Variants in SH3BGRL2 observed in about 807,000 individuals in gnomAD.
SH3BGRL2 encodes the protein SH3 domain binding glutamate rich protein like 2, also known as SH3 domain-binding glutamic acid-rich-like protein 2.
Under a neutral mutation model 14.8 loss-of-function variants are expected in SH3BGRL2, and 21 were observed. The observed-to-expected ratio is 1.42, with a 90% confidence interval of 1.01 to 2.05. The LOEUF is 2.05. Among genes scored for constraint, SH3BGRL2 ranks in the 30% most tolerant of loss-of-function variants. The probability of loss-of-function intolerance (pLI) is 0.00; values close to 1 mark genes in which losing one functional copy is unlikely to be tolerated. For missense variants in SH3BGRL2, 147 were observed against 130.8 expected (o/e 1.12, Z -0.61); for synonymous variants, 50 against 47.8 (o/e 1.05, Z -0.19).
At chr6:79,577,830 C>T in the SH3BGRL2 span, among the ~76,000 whole-genome samples, 1 of 152,190 alleles carries the variant, frequency 6.6e-6, no homozygotes, top group African/African-American at 2.4e-5. Flanking sequence ...TCACCTCACC[C>T]GGGAAGCACA....
intron 2 of SH3BGRL2, among the ~76,000 whole-genome samples, chr6:79,674,035 A>G (rs527800189): frequency 1.3e-5 from 2 of 152,234 alleles, no homozygotes; most frequent in South Asian, 2.1e-4. Context: ...GTGTCTGTCA[A>G]TCTGAGCTCT....
At chr6:79,684,827 A>G (rs1770060556) in intron 2 of SH3BGRL2, among the ~76,000 whole-genome samples, 1 of 152,186 alleles carries the variant, frequency 6.6e-6, no homozygotes, top group African/African-American at 2.4e-5. Context: ...TCTGTATTCC[A>G]AGGCCTTCTG....
At chr6:79,600,590 G>A in the SH3BGRL2 span, among the ~76,000 whole-genome samples, 1 of 152,056 alleles carries the variant, frequency 6.6e-6, no homozygotes, top group Non-Finnish European at 1.5e-5. Context: ...ACAGAACCAG[G>A]CATGGGGACA....
chr6:79,625,187 T>A, the SH3BGRL2 span, among the ~76,000 whole-genome samples: 4 of 144,994 alleles, frequency 2.8e-5, no homozygotes, highest in East Asian at 5.8e-4. Flanking sequence ...AAAAAAAATA[T>A]ATATATACAC....
intron 1 of SH3BGRL2, among the ~76,000 whole-genome samples, chr6:79,663,442 C>G (rs888689378): frequency 6.6e-6 from 1 of 152,218 alleles, no homozygotes; most frequent in Non-Finnish European, 1.5e-5. Context: ...TGGAGGTCCA[C>G]TCCAGACCTG....
chr6:79,561,806 C>G, the SH3BGRL2 span, among the ~76,000 whole-genome samples: 3 of 152,156 alleles, frequency 2.0e-5, no homozygotes, highest in Admixed American at 2.0e-4. Context: ...ATGGAAACTT[C>G]ACTCAAGCTG....
At chr6:79,585,696 T>C in the SH3BGRL2 span, among the ~76,000 whole-genome samples, 1 of 152,220 alleles carries the variant, frequency 6.6e-6, no homozygotes, top group Admixed American at 6.5e-5. Context: ...GAAGTATTTC[T>C]TAAGTGTTAT....
chr6:79,696,653 C>A, intron 3 of SH3BGRL2, 88 bp downstream of exon 3: 3 of 925,674 alleles, frequency 3.2e-6, no homozygotes, highest in Non-Finnish European at 4.8e-6. Context: ...TAGAGGAATG[C>A]ATATATAATT....
chr6:79,613,620 CT>C, the SH3BGRL2 span, among the ~76,000 whole-genome samples: 1 of 150,194 alleles, frequency 6.7e-6, no homozygotes, highest in Non-Finnish European at 1.5e-5. Flanking sequence ...CTTTTTTTTT[CT>C]TTTTTTTGAG....
the SH3BGRL2 span, among the ~76,000 whole-genome samples, chr6:79,603,613 A>C: frequency 6.6e-6 from 1 of 152,284 alleles, no homozygotes; most frequent in East Asian, 1.9e-4. Flanking sequence ...TTCTTGTGCA[A>C]CGTCACAGGA....
chr6:79,590,434 T>TAC, the SH3BGRL2 span, among the ~76,000 whole-genome samples: 1 of 84,340 alleles, frequency 1.2e-5, no homozygotes, highest in Non-Finnish European at 2.6e-5. Flanking sequence ...GATATATATA[T>TAC]ATATATATAT....
chr6:79,673,465 A>G (rs1769815205), intron 1 of SH3BGRL2, 149 bp from the exon 2 acceptor site: 2 of 689,792 alleles, frequency 2.9e-6, no homozygotes, highest in Non-Finnish European at 2.4e-6. Flanking sequence ...TCAGTCTTCC[A>G]CTGGATATCT....
At chr6:79,692,271 A>G (rs1353496709) in intron 2 of SH3BGRL2, among the ~76,000 whole-genome samples, 1 of 152,036 alleles carries the variant, frequency 6.6e-6, no homozygotes, top group Non-Finnish European at 1.5e-5. Context: ...TTGTCAGATG[A>G]GTAGGTTGTG....
At chr6:79,591,754 A>G in the SH3BGRL2 span, among the ~76,000 whole-genome samples, 1 of 152,142 alleles carries the variant, frequency 6.6e-6, no homozygotes, top group Admixed American at 6.6e-5. Flanking sequence ...GAAATTGGAG[A>G]TTTAATCTAT....
chr6:79,599,515 T>G, the SH3BGRL2 span, among the ~76,000 whole-genome samples: 2 of 151,998 alleles, frequency 1.3e-5, no homozygotes, highest in East Asian at 3.9e-4. Context: ...GGATTACAGG[T>G]GCCTGCTGCC....
At chr6:79,686,634 G>T (rs969789867) in intron 2 of SH3BGRL2, among the ~76,000 whole-genome samples, 1 of 151,950 alleles carries the variant, frequency 6.6e-6, no homozygotes, top group Non-Finnish European at 1.5e-5. Context: ...TTGTTTCGTG[G>T]ATGCAGCATT....
the SH3BGRL2 span, among the ~76,000 whole-genome samples, chr6:79,580,094 C>T: frequency 6.6e-6 from 1 of 152,086 alleles, no homozygotes. Context: ...GCAAGAAGAG[C>T]TAACTATCCT....
chr6:79,617,387 T>C, the SH3BGRL2 span, among the ~76,000 whole-genome samples: 1 of 152,148 alleles, frequency 6.6e-6, no homozygotes, highest in Non-Finnish European at 1.5e-5. Flanking sequence ...ATATGGACAT[T>C]TTCTTACATA....
upstream of SH3BGRL2, among the ~76,000 whole-genome samples, chr6:79,627,974 T>C (rs1768762519): frequency 6.6e-6 from 1 of 152,174 alleles, no homozygotes; most frequent in Admixed American, 6.5e-5. Flanking sequence ...AACTGAAATT[T>C]ACCAATTCCT....
Sources: allele counts gnomAD v4.1 joint callset (sites outside exome capture counted in the v4.1 genomes callset), GRCh38; gene constraint gnomAD v4.1.1; transcripts MANE v1.5; gene names NCBI Gene and HGNC (gene_info 2026-07-23, HGNC 2026-07-21).